AGAP1: variants seen among roughly 807,000 people sequenced by gnomAD.
AGAP1 encodes arf-GAP with GTPase, ANK repeat and PH domain-containing protein 1.
A neutral mutation model predicts 105.3 loss-of-function variants in AGAP1; 29 were observed. The observed-to-expected ratio is 0.28, with a 90% CI of 0.21 to 0.38. The LOEUF (loss-of-function observed/expected upper bound fraction) is 0.38. Among genes scored for constraint, AGAP1 ranks in the 10% least tolerant of loss-of-function variants. The pLI, the probability that AGAP1 is intolerant of heterozygous loss-of-function variation, is 1.00. For missense variants in AGAP1, 998 were observed against 1,165.1 expected (o/e 0.86, Z 2.09); for synonymous variants, 509 against 485.9 (o/e 1.05, Z -0.63).
chr2:236,012,559 G>A lies in AGAP1; in HGVS notation c.1646-24002G>A. ...AGATTTGGTTTCCTTCGTTCCTCATGCATGGTATTTGTACCGGTGGGTACC... is the reference window on the plus strand; with the variant it reads ...AGATTTGGTTTCCTTCGTTCCTCATACATGGTATTTGTACCGGTGGGTACC... On this transcript the variant is annotated intron_variant, in intron 13 of 17. Coordinates refer to ENST00000304032, the MANE Select transcript of AGAP1 (RefSeq NM_001037131.3). This position sits in a 1 kb window ranked among gnomAD's most constrained non-coding sequence, Gnocchi z 4.9. Among the ~76,000 whole-genome samples, 1 of 152,096 alleles carries A rather than the reference G, an allele frequency of 6.6e-6. No homozygotes were observed. Among genetic ancestry groups the A allele is most frequent in the Non-Finnish European group, 1.5e-5 (1 of 68,026 alleles).
chr2:235,807,170 A>G (rs780664673), intron 8 of AGAP1, 69 bp from the exon 9 acceptor site: 115 of 1,497,726 alleles, frequency 7.7e-5, no homozygotes, highest in Non-Finnish European at 1.0e-4. Context: ...GAATTCTGCA[A>G]ACAGGGGCAG....
chr2:235,998,673 T>TG (rs2055922207), intron 13 of AGAP1, among the ~76,000 whole-genome samples: 1 of 151,302 alleles, frequency 6.6e-6, no homozygotes, highest in South Asian at 2.1e-4. Context: ...GTGGTGGTGG[T>TG]GGTGACGATG....
Position 235,882,594 on chromosome 2 carries a change from G to T in AGAP1, c.1051-751G>T. ...TTCCCCTGCTCAGCCTCCCCGAGTA[G>T]CTGGGATTATAGGTGCCCACCACTG... On this transcript the variant is annotated intron_variant, in intron 9 of 17. Transcript: ENST00000304032. The surrounding 1 kb of genome is among the most constrained non-coding windows in gnomAD (Gnocchi z 4.6). The T allele has an allele frequency of 2.0e-6, 1 of 495,842 alleles. No individual in the cohort carries two copies. The highest frequency in any genetic ancestry group is 2.3e-5 in the South Asian group (1 of 43,616). The allele number at this position is 495,842 out of a possible 1,614,324, so 30.7% of individuals were successfully genotyped here.
intron 1 of AGAP1, among the ~76,000 whole-genome samples, chr2:235,568,354 A>C (rs1432252625): frequency 6.6e-6 from 1 of 152,174 alleles, no homozygotes; most frequent in Non-Finnish European, 1.5e-5. Flanking sequence ...CGGAGCATGG[A>C]CGCCCGTTCT....
In AGAP1 at chr2:235,975,023, A is replaced by C. The variant is rs549936789; in HGVS notation, c.1645+6400A>C. On this transcript the variant is annotated intron_variant, in intron 13 of 17. Transcript: ENST00000304032. ...GCACAAATACACACTGAGTTGTAAAAGTTAGGGAAGGCTAACCTGTTGTAG... is the reference window on the plus strand; with the variant it reads ...GCACAAATACACACTGAGTTGTAAACGTTAGGGAAGGCTAACCTGTTGTAG... 9.8e-5 allele frequency among the ~76,000 whole-genome samples: 15 copies of C among 152,370 alleles called. 1 individual carries two copies. The South Asian group carries it at 3.1e-3, about 32-fold the overall frequency.
rs73996680 is a variant in AGAP1 at position 235,973,193 on chromosome 2, G to A, written c.1645+4570G>A. ...GGAGTTTCTCCCTGCGCAGGTGCTC[G>A]CTGTGCTCTTTTTGCTGAAGAACAG... On this transcript the variant is annotated intron_variant, in intron 13 of 17. Transcript: ENST00000304032. The surrounding 1 kb of genome is among the most constrained non-coding windows in gnomAD (Gnocchi z 4.7). 4.3e-3 allele frequency among the ~76,000 whole-genome samples: 653 copies of A among 152,236 alleles called. 7 individuals carry two copies. Among genetic ancestry groups the A allele is most frequent in the African/African-American group, 0.015 (614 of 41,548 alleles).
In AGAP1 at chr2:236,082,487, G is replaced by A. The variant is rs74385045; in HGVS notation, c.2114+33206G>A. 4.4e-3 allele frequency among the ~76,000 whole-genome samples: 670 copies of A among 152,270 alleles called. 4 individuals carry two copies. Among genetic ancestry groups the A allele is most frequent in the African/African-American group, 0.015 (644 of 41,568 alleles). On this transcript the variant is annotated intron_variant, in intron 16 of 17. Transcript: ENST00000304032. The surrounding 1 kb of genome is among the most constrained non-coding windows in gnomAD (Gnocchi z 4.2). ...GGAGGGAGAGCTTTTCCTAAGCATC[G>A]ATCCCCTCCAGAAAGGAAGATGGTT...
At position 236,114,766 on chromosome 2, in the gene AGAP1, A is replaced by G. The variant is rs1207285696; in HGVS notation, c.2115-5426A>G. Among the ~76,000 whole-genome samples, 1 of 152,184 alleles carries G rather than the reference A, an allele frequency of 6.6e-6. No homozygotes were observed. The highest frequency in any genetic ancestry group is 6.5e-5 in the Admixed American group (1 of 15,286). ...CTCTTCCTGAAGACCCCATCTCCACATACAGCAACATTGAGGGTTAAAGCT... is the reference window on the plus strand; with the variant it reads ...CTCTTCCTGAAGACCCCATCTCCACGTACAGCAACATTGAGGGTTAAAGCT... On this transcript the variant is annotated intron_variant, in intron 16 of 17. Transcript: ENST00000304032. The surrounding 1 kb of genome is among the most constrained non-coding windows in gnomAD (Gnocchi z 5.0).
At chr2:235,836,875 A>G (rs1960227091) in intron 9 of AGAP1, among the ~76,000 whole-genome samples, 1 of 152,162 alleles carries the variant, frequency 6.6e-6, no homozygotes, top group Non-Finnish European at 1.5e-5. Context: ...CACTGGTGCC[A>G]TTTACATTCA....
At position 235,734,834 on chromosome 2, in the gene AGAP1, A is replaced by G. The variant is rs944011091; in HGVS notation, c.311-6129A>G. On this transcript the variant is annotated intron_variant, in intron 3 of 17. Transcript: ENST00000304032. This position sits in a 1 kb window ranked among gnomAD's most constrained non-coding sequence, Gnocchi z 5.3. ...TCACATGGAAGAGAGGAGGCGTAAG[A>G]AGCAGTCAGAACGTCTGGATTGGAG... Among the ~76,000 whole-genome samples, 1 of 152,204 alleles carries G rather than the reference A, an allele frequency of 6.6e-6. No homozygotes were observed. Among genetic ancestry groups the G allele is most frequent in the East Asian group, 1.9e-4 (1 of 5,192 alleles).
chr2:235,605,598 CCTAA>C (rs1384309482), intron 1 of AGAP1, among the ~76,000 whole-genome samples: 1 of 152,176 alleles, frequency 6.6e-6, no homozygotes, highest in Non-Finnish European at 1.5e-5. Flanking sequence ...TTCAAGACAC[CCTAA>C]GGGAGACCAG....
In AGAP1 at chr2:236,028,414, C is replaced by T. The variant is rs921938293; in HGVS notation, c.1646-8147C>T. ...TACCAAGTGGTCCTTTATGTTCTTA[C>T]TTTTAGGGAAGTATTTAGCTCATTC... On this transcript the variant is annotated intron_variant, in intron 13 of 17. Coordinates refer to ENST00000304032, the MANE Select transcript of AGAP1 (RefSeq NM_001037131.3). Among the ~76,000 whole-genome samples the T allele has an allele frequency of 2.0e-5, 3 of 152,248 alleles. No homozygotes were observed. In the South Asian group the frequency reaches 6.2e-4, roughly 32 times the overall value.
Position 236,083,930 on chromosome 2 carries a change from C to T in AGAP1, c.2114+34649C>T, listed in dbSNP as rs1161353183. Among the ~76,000 whole-genome samples the T allele has an allele frequency of 6.6e-6, 1 of 152,130 alleles. No homozygotes were observed. The highest frequency in any genetic ancestry group is 1.5e-5 in the Non-Finnish European group (1 of 68,040). On this transcript the variant is annotated intron_variant, in intron 16 of 17. Coordinates refer to ENST00000304032, the MANE Select transcript of AGAP1 (RefSeq NM_001037131.3). This position sits in a 1 kb window ranked among gnomAD's most constrained non-coding sequence, Gnocchi z 5.3. ...ACATACACACACAGGCACACATATG[C>T]ACACACCAAGGTTCTAGATGAGAAG...
intron 15 of AGAP1, among the ~76,000 whole-genome samples, chr2:236,043,152 A>G (rs1262072427): frequency 2.0e-5 from 3 of 152,246 alleles, no homozygotes; most frequent in Admixed American, 1.3e-4. Context: ...GTACCGGGAT[A>G]GGTACAGTGC....
chr2:235,831,269 C>A (rs916734243), intron 9 of AGAP1, among the ~76,000 whole-genome samples: 1 of 152,064 alleles, frequency 6.6e-6, no homozygotes, highest in African/African-American at 2.4e-5. Context: ...CACCCACAGC[C>A]TCCGCCATTG....
At chr2:235,757,205 G>A (rs1027881234) in intron 6 of AGAP1, among the ~76,000 whole-genome samples, 3 of 152,172 alleles carry the variant, frequency 2.0e-5, no homozygotes, top group African/African-American at 7.2e-5. Context: ...TCTGCTTAAC[G>A]GTCTCCAGGG....
chr2:235,614,621 G>A lies in AGAP1; in HGVS notation c.164-94558G>A, dbSNP rs1251921664. 6.6e-6 allele frequency among the ~76,000 whole-genome samples: 1 copy of A among 152,226 alleles called. No individual in the cohort carries two copies. The highest frequency in any genetic ancestry group is 2.4e-5 in the African/African-American group (1 of 41,460). ...CTGGAGCACCCAGGCCTGCAGGAGTGTGGGTTGGCTCTCTACCCCCGTTGC... is the reference window on the plus strand; with the variant it reads ...CTGGAGCACCCAGGCCTGCAGGAGTATGGGTTGGCTCTCTACCCCCGTTGC... On this transcript the variant is annotated intron_variant, in intron 1 of 17. Coordinates refer to ENST00000304032, the MANE Select transcript of AGAP1 (RefSeq NM_001037131.3). The surrounding 1 kb of genome is among the most constrained non-coding windows in gnomAD (Gnocchi z 4.7).
intron 1 of AGAP1, among the ~76,000 whole-genome samples, chr2:235,538,527 C>G (rs536220578): frequency 2.0e-5 from 3 of 151,248 alleles, no homozygotes; most frequent in African/African-American, 7.3e-5. Context: ...GGGTCCTGTT[C>G]TCTGCACAGT....
At chr2:235,564,368 G>T (rs1002315709) in intron 1 of AGAP1, among the ~76,000 whole-genome samples, 7 of 152,182 alleles carry the variant, frequency 4.6e-5, no homozygotes, top group Admixed American at 1.3e-4. Flanking sequence ...CGTACAGTAG[G>T]CCAGGGAGGC....
Sources: allele counts gnomAD v4.1 joint callset (sites outside exome capture counted in the v4.1 genomes callset), GRCh38; gene constraint gnomAD v4.1.1; non-coding constraint Gnocchi (gnomAD v3.1); transcripts MANE v1.5; gene names NCBI Gene and HGNC (gene_info 2026-07-23, HGNC 2026-07-21).